ATP8B4: variants seen among roughly 807,000 people sequenced by gnomAD.
ATP8B4 encodes the protein ATPase phospholipid transporting 8B4 (putative), also known as probable phospholipid-transporting ATPase IM.
In ATP8B4, 133 loss-of-function variants were observed where a neutral mutation model predicts 145.6. The observed-to-expected ratio is 0.91, with a 90% CI of 0.79 to 1.05. The LOEUF is 1.05. Ranked by LOEUF, ATP8B4 falls within the 50% of genes least tolerant of loss-of-function variation. The probability of loss-of-function intolerance (pLI) is 0.00; values close to 1 mark genes in which losing one functional copy is unlikely to be tolerated. For synonymous variants in ATP8B4, 507 were observed against 492.9 expected (o/e 1.03, Z -0.38); for missense variants, 1,458 against 1,425.2 (o/e 1.02, Z -0.37).
intron 2 of ATP8B4, among the ~76,000 whole-genome samples, chr15:50,088,418 A>T (rs2055366500): frequency 6.6e-6 from 1 of 151,740 alleles, no homozygotes; most frequent in African/African-American, 2.4e-5. Flanking sequence ...CCCCATCTTC[A>T]TTCAACTCCA....
intron 6 of ATP8B4, chr15:50,018,875 A>G (rs2049308189): frequency 2.6e-6 from 3 of 1,152,510 alleles, no homozygotes; most frequent in Non-Finnish European, 3.5e-6. Flanking sequence ...AGCTTCGACC[A>G]TTATGTCACT....
intron 14 of ATP8B4, among the ~76,000 whole-genome samples, chr15:49,936,348 A>G (rs1172399156): frequency 6.6e-6 from 1 of 152,136 alleles, no homozygotes; most frequent in African/African-American, 2.4e-5. Flanking sequence ...TTTCATAAGA[A>G]AAAGATCATG....
At chr15:49,983,419 G>A (rs1386840329) in intron 10 of ATP8B4, among the ~76,000 whole-genome samples, 2 of 152,046 alleles carry the variant, frequency 1.3e-5, no homozygotes, top group Admixed American at 6.6e-5. Context: ...CTTCAAGCCT[G>A]GTCATCAAAG....
At chr15:50,147,085 C>T (rs187916439) in intron 1 of ATP8B4, among the ~76,000 whole-genome samples, 13 of 152,180 alleles carry the variant, frequency 8.5e-5, no homozygotes, top group South Asian at 2.1e-4. Context: ...TGTTGGGTTA[C>T]GAAGTTAGAG....
chr15:50,174,790 AC>A (rs764442419), intron 1 of ATP8B4, among the ~76,000 whole-genome samples: 8 of 152,154 alleles, frequency 5.3e-5, no homozygotes, highest in East Asian at 3.8e-4. Context: ...TAGAAAAAAA[AC>A]AATTCTAAAA....
At chr15:50,093,024 G>C (rs1046153006) in intron 2 of ATP8B4, among the ~76,000 whole-genome samples, 1 of 151,994 alleles carries the variant, frequency 6.6e-6, no homozygotes, top group Non-Finnish European at 1.5e-5. Context: ...AAAAAAGTCA[G>C]TGGAGGCCTG....
chr15:50,085,447 T>C (rs1235880051), intron 2 of ATP8B4, among the ~76,000 whole-genome samples: 1 of 152,082 alleles, frequency 6.6e-6, no homozygotes, highest in Non-Finnish European at 1.5e-5. Context: ...TTTATGTGAT[T>C]CACAGATACT....
chr15:50,005,358 A>C (rs903649531), intron 7 of ATP8B4, among the ~76,000 whole-genome samples: 4 of 152,208 alleles, frequency 2.6e-5, no homozygotes, highest in African/African-American at 9.6e-5. Context: ...TTGTTGAGTT[A>C]AAGAATAAAG....
At chr15:49,870,574 A>G (rs888944868) in intron 25 of ATP8B4, among the ~76,000 whole-genome samples, 1 of 152,230 alleles carries the variant, frequency 6.6e-6, no homozygotes, top group African/African-American at 2.4e-5. Flanking sequence ...TGTTACCACA[A>G]TGAAAAGTCA....
rs780135907 is a variant in ATP8B4 at position 49,876,520 on chromosome 15, C to A, written c.2785G>T (p.Val929Leu). The A allele has an allele frequency of 1.2e-6, 2 of 1,613,824 alleles. No individual in the cohort carries two copies. The highest frequency in any genetic ancestry group is 2.7e-5 in the African/African-American group (2 of 74,928). ...VLAMGIFDQD[V>L]SDQNSVDCPQ... is the part of the protein sequence containing the mutation. ...CAGTCCACGCTGTTCTGGTCACTCACATCCTGTAAACAGAGTGTAATTTCA... is the reference window on the plus strand; with the variant it reads ...CAGTCCACGCTGTTCTGGTCACTCAAATCCTGTAAACAGAGTGTAATTTCA... Residue 929 changes from valine (V) to leucine (L), a missense_variant, in exon 25 of 28, where the codon GTG (valine) becomes TTG (leucine). By Grantham distance (32) the Val-to-Leu change is conservative (BLOSUM62 1). Coordinates refer to ENST00000284509, the MANE Select transcript of ATP8B4 (RefSeq NM_024837.4).
intron 14 of ATP8B4, among the ~76,000 whole-genome samples, chr15:49,950,741 G>A (rs1464407226): frequency 6.6e-6 from 1 of 151,876 alleles, no homozygotes; most frequent in African/African-American, 2.4e-5. Flanking sequence ...TCTTCTGCTA[G>A]CTTTTGGATT....
intron 1 of ATP8B4, among the ~76,000 whole-genome samples, chr15:50,141,540 A>G (rs888299825): frequency 6.6e-6 from 1 of 152,222 alleles, no homozygotes; most frequent in African/African-American, 2.4e-5. Flanking sequence ...TCACTCACCA[A>G]GAGACTGATA....
At chr15:49,874,635 A>C (rs1341855610) in intron 25 of ATP8B4, among the ~76,000 whole-genome samples, 1 of 152,224 alleles carries the variant, frequency 6.6e-6, no homozygotes, top group African/African-American at 2.4e-5. Flanking sequence ...CCTCTCTGAA[A>C]AAACATGGAT....
intron 17 of ATP8B4, chr15:49,922,091 G>C (rs1046517339): frequency 6.2e-6 from 1 of 162,150 alleles, no homozygotes; most frequent in African/African-American, 2.4e-5. Context: ...TCCTAAATGA[G>C]CATTTTATTA....
chr15:49,996,216 T>C (rs113585102), intron 9 of ATP8B4, among the ~76,000 whole-genome samples: 1 of 152,224 alleles, frequency 6.6e-6, no homozygotes, highest in African/African-American at 2.4e-5. Flanking sequence ...TTCAAGACAT[T>C]ATGCTAAGCG....
chr15:50,172,190 C>G (rs139257359), intron 1 of ATP8B4, among the ~76,000 whole-genome samples: 1 of 152,252 alleles, frequency 6.6e-6, no homozygotes, highest in Non-Finnish European at 1.5e-5. Flanking sequence ...CCTCTGATGC[C>G]GAGCGGAGGC....
chr15:50,020,587 A>C (rs985289115), intron 6 of ATP8B4, among the ~76,000 whole-genome samples: 2 of 152,082 alleles, frequency 1.3e-5, no homozygotes, highest in African/African-American at 4.8e-5. Flanking sequence ...CCTAAGCTTC[A>C]GTAATGCATT....
chr15:49,958,650 T>A (rs1439026692), intron 14 of ATP8B4, among the ~76,000 whole-genome samples: 2 of 151,908 alleles, frequency 1.3e-5, no homozygotes, highest in Non-Finnish European at 2.9e-5. Context: ...CTTATGAGTC[T>A]TTGTAAATAA....
chr15:50,086,136 AAT>A (rs1279803842), intron 2 of ATP8B4, among the ~76,000 whole-genome samples: 1 of 101,074 alleles, frequency 9.9e-6, no homozygotes, highest in Non-Finnish European at 1.8e-5. Context: ...TATATAATAA[AAT>A]AGATCTATAT....
Sources: gnomAD v4.1 joint callset for allele counts (sites outside exome capture counted in the v4.1 genomes callset) on GRCh38, gnomAD v4.1.1 for gene constraint, MANE v1.5 for transcripts, NCBI Gene and HGNC (gene_info 2026-07-23, HGNC 2026-07-21) for gene names.